The following KCNH7 variants were observed in gnomAD, a reference collection of about 807,000 sequenced individuals.
The protein encoded by KCNH7 is voltage-gated inwardly rectifying potassium channel KCNH7.
KCNH7 carries 49 observed loss-of-function variants against 120.8 expected under a neutral mutation model. The ratio of observed to expected loss-of-function variants is 0.41; its 90% CI spans 0.32 to 0.51. The LOEUF is 0.51. Among genes scored for constraint, KCNH7 ranks in the 20% least tolerant of loss-of-function variants. The pLI, the probability that KCNH7 is intolerant of heterozygous loss-of-function variation, is 0.38. For synonymous variants in KCNH7, 547 were observed against 516.1 expected (o/e 1.06, Z -0.81); for missense variants, 1,097 against 1,446.6 (o/e 0.76, Z 3.92).
intron 2 of KCNH7, among the ~76,000 whole-genome samples, chr2:162,680,222 A>G (rs1685666352): frequency 6.6e-6 from 1 of 151,638 alleles, no homozygotes; most frequent in African/African-American, 2.4e-5. Flanking sequence ...CCCTCCCTCT[A>G]ACAATATTTT....
intron 6 of KCNH7, among the ~76,000 whole-genome samples, chr2:162,484,648 T>C (rs1356149072): frequency 1.3e-5 from 2 of 152,194 alleles, no homozygotes; most frequent in African/African-American, 4.8e-5. Flanking sequence ...ATTTTGAAAT[T>C]TGATCCCCAG....
intron 6 of KCNH7, among the ~76,000 whole-genome samples, chr2:162,481,945 C>G (rs988062893): frequency 1.1e-4 from 16 of 149,972 alleles, no homozygotes; most frequent in African/African-American, 3.8e-4. Flanking sequence ...CATATATACA[C>G]AGGTTATCTA....
At chr2:162,744,440 C>T (rs999913309) in intron 2 of KCNH7, among the ~76,000 whole-genome samples, 1 of 152,102 alleles carries the variant, frequency 6.6e-6, no homozygotes, top group African/African-American at 2.4e-5. Flanking sequence ...ATTAAGTTCT[C>T]CCCAGGTAAA....
At chr2:162,376,393 TCTTGCTCTGTCGC>T (rs1391148220) in intron 14 of KCNH7, among the ~76,000 whole-genome samples, 4 of 149,294 alleles carry the variant, frequency 2.7e-5, no homozygotes, top group African/African-American at 9.9e-5. Context: ...TTAGATGGAG[TCTTGCTCTGTCGC>T]CCAGGCTGGA....
intron 2 of KCNH7, among the ~76,000 whole-genome samples, chr2:162,724,685 G>T (rs1008830983): frequency 6.9e-6 from 1 of 144,300 alleles, no homozygotes; most frequent in African/African-American, 2.7e-5. Context: ...AAAAAAAAAA[G>T]AATATACTGT....
At chr2:162,831,518 T>C (rs1038542639) in intron 2 of KCNH7, among the ~76,000 whole-genome samples, 2 of 152,190 alleles carry the variant, frequency 1.3e-5, no homozygotes, top group Admixed American at 6.5e-5. Flanking sequence ...CCAAAGTTTC[T>C]AGTATAGATC....
chr2:162,438,602 G>T (rs1339467345), intron 7 of KCNH7, among the ~76,000 whole-genome samples: 1 of 152,118 alleles, frequency 6.6e-6, no homozygotes. Flanking sequence ...TTATAAGGAT[G>T]AGTGAATATT....
intron 6 of KCNH7, among the ~76,000 whole-genome samples, chr2:162,493,834 G>T (rs930167193): frequency 2.2e-4 from 34 of 152,148 alleles, no homozygotes; most frequent in African/African-American, 8.0e-4. Context: ...TAGGGTTAGA[G>T]AATAGTTTTG....
chr2:162,499,106 C>G (rs983299595), intron 6 of KCNH7, among the ~76,000 whole-genome samples: 8 of 152,008 alleles, frequency 5.3e-5, no homozygotes, highest in Non-Finnish European at 7.4e-5. Context: ...TGGTCTAATA[C>G]AAAACTTGTC....
chr2:162,718,498 G>A lies in KCNH7; in HGVS notation c.307+118039C>T, dbSNP rs150087938. Among the ~76,000 whole-genome samples, 95 of 152,056 alleles carry A rather than the reference G, an allele frequency of 6.2e-4. 1 individual carries two copies. The East Asian group carries it at 0.016, about 26-fold the overall frequency. On this transcript the variant is annotated intron_variant, in intron 2 of 15. Coordinates refer to ENST00000332142, the MANE Select transcript of KCNH7 (RefSeq NM_033272.4). ...GAAATCATTTAAAGCCCACTGTAGA[G>A]AACATGGTATGAACAAAGCAGAGCT...
intron 2 of KCNH7, among the ~76,000 whole-genome samples, chr2:162,661,327 G>A (rs1684951680): frequency 6.6e-6 from 1 of 152,154 alleles, no homozygotes. Flanking sequence ...TGGAAAGGTA[G>A]AGAATTCAGT....
chr2:162,520,209 T>C (rs1398024296), intron 3 of KCNH7, among the ~76,000 whole-genome samples: 2 of 139,524 alleles, frequency 1.4e-5, no homozygotes, highest in East Asian at 4.7e-4. Flanking sequence ...CATCCAGTCA[T>C]ATAAGCCTGA....
chr2:162,521,916 T>C (rs1296256553), intron 3 of KCNH7, among the ~76,000 whole-genome samples: 2 of 151,874 alleles, frequency 1.3e-5, no homozygotes, highest in Admixed American at 6.6e-5. Context: ...CGTACCCTGC[T>C]ACCCTTCCTA....
chr2:162,635,453 G>C (rs556506561), intron 2 of KCNH7, among the ~76,000 whole-genome samples: 1 of 152,026 alleles, frequency 6.6e-6, no homozygotes, highest in East Asian at 1.9e-4. Flanking sequence ...ATTCCAGATT[G>C]ATCTGGGGTG....
Position 162,782,886 on chromosome 2 carries a change from A to G in KCNH7, c.307+53651T>C, listed in dbSNP as rs150529146. ...AATCTCCTCCCCTTCAAATTATTAT[A>G]AGTTGACAATAAGAGCAGCATATGT... On this transcript the variant is annotated intron_variant, in intron 2 of 15. Transcript: ENST00000332142. Among the ~76,000 whole-genome samples the G allele has an allele frequency of 1.6e-3, 248 of 152,272 alleles. 1 individual carries two copies. Among genetic ancestry groups the G allele is most frequent in the African/African-American group, 5.8e-3 (239 of 41,564 alleles).
chr2:162,654,126 C>T (rs980298436), intron 2 of KCNH7, among the ~76,000 whole-genome samples: 3 of 141,686 alleles, frequency 2.1e-5, no homozygotes, highest in African/African-American at 7.9e-5. Context: ...AAAACACAAA[C>T]AAAAGCAAAA....
At chr2:162,716,402 C>T (rs1687126462) in intron 2 of KCNH7, among the ~76,000 whole-genome samples, 1 of 152,120 alleles carries the variant, frequency 6.6e-6, no homozygotes, top group African/African-American at 2.4e-5. Flanking sequence ...TAAAAATTTA[C>T]TGTTTTGTCT....
At chr2:162,624,191 C>T (rs915577485) in intron 2 of KCNH7, among the ~76,000 whole-genome samples, 3 of 152,158 alleles carry the variant, frequency 2.0e-5, no homozygotes, top group East Asian at 1.9e-4. Context: ...ATCCTCCTAA[C>T]CTATCTTCAG....
At chr2:162,416,885 T>C (rs1344274424) in intron 9 of KCNH7, among the ~76,000 whole-genome samples, 2 of 152,146 alleles carry the variant, frequency 1.3e-5, no homozygotes, top group African/African-American at 4.8e-5. Flanking sequence ...TTTTTAGGTA[T>C]ATCTGGCATG....
Sources: gnomAD v4.1 joint callset for allele counts (sites outside exome capture counted in the v4.1 genomes callset) on GRCh38, gnomAD v4.1.1 for gene constraint, MANE v1.5 for transcripts, NCBI Gene and HGNC (gene_info 2026-07-23, HGNC 2026-07-21) for gene names.